ABHD5: variants seen among roughly 807,000 people sequenced by gnomAD.
The protein encoded by ABHD5 is abhydrolase domain containing 5, lysophosphatidic acid acyltransferase, also known as 1-acylglycerol-3-phosphate O-acyltransferase ABHD5.
In ABHD5, 30 loss-of-function variants were observed where a neutral mutation model predicts 44.9. The ratio of observed to expected loss-of-function variants is 0.67; its 90% CI spans 0.50 to 0.91. The LOEUF is 0.91. Ranked by LOEUF, ABHD5 falls within the 40% of genes least tolerant of loss-of-function variation. The pLI is 0.00. For missense variants in ABHD5, 399 were observed against 423.4 expected (o/e 0.94, Z 0.50); for synonymous variants, 167 against 147.0 (o/e 1.14, Z -0.99).
At chr3:43,711,205 G>A (rs565758871) in intron 3 of ABHD5, among the ~76,000 whole-genome samples, 7 of 152,274 alleles carry the variant, frequency 4.6e-5, no homozygotes, top group Non-Finnish European at 8.8e-5. Flanking sequence ...TTTTGAACCC[G>A]CTTTAAGTCC....
chr3:43,716,795 G>T (rs77061326), intron 5 of ABHD5, among the ~76,000 whole-genome samples: 2 of 152,130 alleles, frequency 1.3e-5, no homozygotes, highest in African/African-American at 4.8e-5. Context: ...ACATGTGTTC[G>T]TGTAGTCCTA....
intron 2 of ABHD5, 128 bp from the exon 3 acceptor site, chr3:43,702,087 G>T: frequency 1.3e-6 from 1 of 789,942 alleles, no homozygotes; most frequent in South Asian, 2.0e-5. Flanking sequence ...TTTAAAAATA[G>T]CTGACAATAC....
Position 43,697,700 on chromosome 3 carries a change from A to G in ABHD5, c.48-1576A>G, listed in dbSNP as rs191014618. Among the ~76,000 whole-genome samples, 328 of 152,346 alleles carry G rather than the reference A, an allele frequency of 2.2e-3. 2 individuals are homozygous for G. Among genetic ancestry groups the G allele is most frequent in the South Asian group, 6.0e-3 (29 of 4,832 alleles). On this transcript the variant is annotated intron_variant, in intron 1 of 6. Transcript: ENST00000644371. ...TACTGGAAAAAGTACAATATATGAA[A>G]AGAAAAGATGGGATGGAGGTAGGCT...
chr3:43,707,526 A>C (rs1289614416), intron 3 of ABHD5: 3 of 152,172 alleles, frequency 2.0e-5, no homozygotes, highest in African/African-American at 7.2e-5. Context: ...CCTGGGGCCA[A>C]CTTCATTTTG....
intron 4 of ABHD5, among the ~76,000 whole-genome samples, chr3:43,713,546 TG>T (rs1244713764): frequency 6.6e-6 from 1 of 151,790 alleles, no homozygotes; most frequent in African/African-American, 2.4e-5. Flanking sequence ...GAGGAGGATA[TG>T]GGGGTTGAAT....
exon 8 of ABHD5, chr3:43,734,008 G>C (rs1697294454): frequency 6.6e-6 from 1 of 152,186 alleles, no homozygotes; most frequent in South Asian, 2.1e-4. Flanking sequence ...GTGGAATGCT[G>C]GGCTTGGATG....
chr3:43,693,925 T>C (rs1449072774), intron 1 of ABHD5, among the ~76,000 whole-genome samples: 1 of 152,042 alleles, frequency 6.6e-6, no homozygotes, highest in Non-Finnish European at 1.5e-5. Flanking sequence ...TTTCTAATTG[T>C]CAGATGTTTG....
chr3:43,700,396 G>A (rs1412339481), intron 2 of ABHD5, among the ~76,000 whole-genome samples: 1 of 152,216 alleles, frequency 6.6e-6, no homozygotes, highest in East Asian at 1.9e-4. Context: ...TAAAGGAGTG[G>A]ATTAGGTAGT....
At position 43,691,032 on chromosome 3, in the gene ABHD5, G is replaced by A. The variant is rs773970748; in HGVS notation, c.40G>A (p.Gly14Arg). Residue 14 changes from glycine to arginine, a missense_variant, in exon 1 of 7, where the codon GGA becomes AGA. Physicochemically the swap from Gly to Arg is moderately radical, Grantham distance 125. Transcript: ENST00000644371. ...EEEEVDSADT[G>R]ERSGWLTGWL... is the part of the protein sequence containing the mutation. The stretch of plus-strand genomic sequence containing the variant: ...GGAGGAGGTGGACTCTGCCGACACC[G>A]GAGAGAGGTAAGCGCAGCCGGCAGG... The A allele has an allele frequency of 5.1e-6, 8 of 1,560,370 alleles. No homozygotes were observed. Among genetic ancestry groups the A allele is most frequent in the African/African-American group, 2.8e-5 (2 of 70,478 alleles).
chr3:43,706,211 T>C (rs563051856), intron 3 of ABHD5, among the ~76,000 whole-genome samples: 1 of 152,316 alleles, frequency 6.6e-6, no homozygotes, highest in South Asian at 2.1e-4. Context: ...GCAGTCCGCT[T>C]GGTATCAACA....
At position 43,690,966 on chromosome 3, in the gene ABHD5, A is replaced by C. The variant is rs766419668; in HGVS notation, c.-27A>C. 6.4e-7 allele frequency: 1 copy of C among 1,559,596 alleles called. No homozygotes were observed. The highest frequency in any genetic ancestry group is 8.6e-7 in the Non-Finnish European group (1 of 1,157,010). ...CGGCCTGTCAGCCGGCTTCGAGATA[A>C]GTCCCGGCGCTTGCGCGGCGGCGGC... is the stretch of plus-strand genomic sequence containing the variant. On this transcript the variant is annotated 5_prime_UTR_variant, in exon 1 of 7. Coordinates refer to ENST00000644371, the MANE Select transcript of ABHD5 (RefSeq NM_016006.6).
chr3:43,704,473 T>C (rs1398643156), intron 3 of ABHD5, among the ~76,000 whole-genome samples: 1 of 152,216 alleles, frequency 6.6e-6, no homozygotes, highest in African/African-American at 2.4e-5. Context: ...TTCCTTTGTT[T>C]TTTATCAGGT....
rs913811179 is a variant in ABHD5 at position 43,721,704 on chromosome 3, A to G, written c.*3172A>G. The G allele has an allele frequency of 1.3e-5, 2 of 152,092 alleles. No homozygotes were observed. Among genetic ancestry groups the G allele is most frequent in the African/African-American group, 2.4e-5 (1 of 41,420 alleles). 9.4% of individuals were successfully genotyped at this position (152,092 alleles called of 1,614,324 possible). A position where few individuals can be genotyped will look rare whatever the true frequency, so the allele number is the denominator to read the frequency against. On this transcript the variant is annotated 3_prime_UTR_variant, in exon 7 of 7. Transcript: ENST00000644371. ...GCCTGGGTGACAGAGAAGAAAAAAG[A>G]TTTTTTTGGATAGCTGAAAATATTT...
rs369577285 is a variant in ABHD5, at chr3:43,714,986, G to A, written c.701G>A (p.Arg234Gln). The A allele has an allele frequency of 6.1e-5, 98 of 1,612,974 alleles. No homozygotes were observed. In the Admixed American group the frequency reaches 7.7e-4, roughly 13 times the overall value. ...LVQRLRPDFK[R>Q]KYSSMFEDDT... Reference sequence around the variant, plus strand: ...CAGCGTTTAAGGCCTGATTTCAAACGAAAGTATTCTTCAATGTTCGAAGAC... The same window carrying A: ...CAGCGTTTAAGGCCTGATTTCAAACAAAAGTATTCTTCAATGTTCGAAGAC... The change falls in exon 5 of 7, where the codon CGA (arginine) becomes CAA (glutamine). Residue 234 changes from arginine to glutamine, a missense_variant. Coordinates refer to ENST00000644371, the MANE Select transcript of ABHD5 (RefSeq NM_016006.6).
At chr3:43,710,360 T>G (rs2084671926) in intron 3 of ABHD5, among the ~76,000 whole-genome samples, 1 of 152,204 alleles carries the variant, frequency 6.6e-6, no homozygotes. Context: ...TCTCTTATGT[T>G]GATTAGCCTA....
intron 1 of ABHD5, 134 bp downstream of exon 1, chr3:43,691,173 C>A: frequency 1.2e-6 from 1 of 864,698 alleles, no homozygotes; most frequent in South Asian, 3.1e-5. Context: ...CGACCCTCCC[C>A]GGCATGAGTC....
chr3:43,724,499 A>G (rs1052293071), downstream of ABHD5, among the ~76,000 whole-genome samples: 1 of 152,230 alleles, frequency 6.6e-6, no homozygotes, highest in Non-Finnish European at 1.5e-5. Context: ...TTCAATATGC[A>G]AAGACATCTA....
At chr3:43,725,965 A>G (rs561912859), downstream of ABHD5, among the ~76,000 whole-genome samples, 1 of 151,852 alleles carries the variant, frequency 6.6e-6, no homozygotes, top group Non-Finnish European at 1.5e-5. Context: ...TCCTGGGTTC[A>G]TGCCATTCTC....
intron 1 of ABHD5, 27 bp downstream of exon 1, chr3:43,691,066 T>G: frequency 6.5e-7 from 1 of 1,529,480 alleles, no homozygotes; most frequent in Non-Finnish European, 8.8e-7. Context: ...GGGGGCTTCG[T>G]GTGTCTCCGG....
Sources: allele counts gnomAD v4.1 joint callset (sites outside exome capture counted in the v4.1 genomes callset), GRCh38; gene constraint gnomAD v4.1.1; transcripts MANE v1.5; gene names NCBI Gene and HGNC (gene_info 2026-07-23, HGNC 2026-07-21).